KLHL15: variants seen among roughly 807,000 people sequenced by gnomAD.
KLHL15 encodes the protein kelch-like protein 15.
A neutral mutation model predicts 29.3 loss-of-function variants in KLHL15; 1 was observed. The observed-to-expected ratio is 0.03, with a 90% CI of 0.01 to 0.16. KLHL15 has a LOEUF of 0.16. KLHL15 is among the 10% of genes least tolerant of loss of function. KLHL15 has a pLI of 1.00. For missense variants in KLHL15, 215 were observed against 478.5 expected (o/e 0.45, Z 5.14); for synonymous variants, 212 against 184.5 (o/e 1.15, Z -1.21).
chrX:24,012,416 C>G (rs1161079677), intron 2 of KLHL15, among the ~76,000 whole-genome samples: 1 of 111,474 alleles, frequency 9.0e-6, no homozygotes, highest in Non-Finnish European at 1.9e-5. Context: ...GCTCCTGATT[C>G]TCTTCCTAGT....
intron 2 of KLHL15, among the ~76,000 whole-genome samples, chrX:24,007,268 G>A (rs1390139245): frequency 9.2e-6 from 1 of 108,476 alleles, no homozygotes; most frequent in African/African-American, 3.4e-5. Context: ...CGAAGTGGGT[G>A]GATCACCTGA....
At chrX:24,021,674 G>C (rs187040691) in intron 2 of KLHL15, among the ~76,000 whole-genome samples, 76 of 111,544 alleles carry the variant, frequency 6.8e-4, no homozygotes, top group African/African-American at 2.4e-3. Context: ...TTAAAGATGA[G>C]AACATCAAAG....
intron 2 of KLHL15, among the ~76,000 whole-genome samples, chrX:24,018,526 G>A (rs57815594): frequency 0.032 from 3,438 of 109,085 alleles, 132 homozygotes; most frequent in African/African-American, 0.11. Context: ...AACGTGTCTT[G>A]TTTCATAAAC....
chrX:24,002,653 G>A (rs1294781730), intron 3 of KLHL15, among the ~76,000 whole-genome samples: 2 of 107,225 alleles, frequency 1.9e-5, no homozygotes, highest in Non-Finnish European at 3.9e-5. Context: ...GGGGGAACAG[G>A]TTCTCACTTT....
At chrX:23,990,264 G>T (rs1227768250) in intron 3 of KLHL15, among the ~76,000 whole-genome samples, 1 of 111,966 alleles carries the variant, frequency 8.9e-6, no homozygotes, top group Non-Finnish European at 1.9e-5. Flanking sequence ...TGGGAAAGTG[G>T]AAACAAATAC....
At chrX:24,025,206 G>C (rs991963452) in intron 1 of KLHL15, 148 bp from the exon 2 acceptor site, 45 of 288,181 alleles carry the variant, frequency 1.6e-4, no homozygotes, top group South Asian at 2.3e-4. Flanking sequence ...CTGGGGCCGC[G>C]GGCGGGGAAA....
intron 3 of KLHL15, among the ~76,000 whole-genome samples, chrX:23,991,240 C>T (rs1929077023): frequency 9.3e-6 from 1 of 108,085 alleles, no homozygotes; most frequent in Admixed American, 1.0e-4. Flanking sequence ...GTAACTCCAG[C>T]TACTCAAGAG....
At chrX:24,000,479 T>A (rs191914385) in intron 3 of KLHL15, among the ~76,000 whole-genome samples, 1 of 107,032 alleles carries the variant, frequency 9.3e-6, no homozygotes, top group East Asian at 2.9e-4. Context: ...AATAAATAAA[T>A]AAATAATAAA....
chrX:23,988,662 G>T lies in KLHL15; in HGVS notation c.1074C>A (p.Ser358=). Residue 358 remains serine, a synonymous_variant, in exon 4 of 4, where the codon TCC becomes TCA. Transcript: ENST00000328046. The part of the protein sequence containing the change: ...KVFRYDPRQN[S]WLQMADMSVP... Reference sequence around the variant, plus strand: ...CAGACATATCTGCCATCTGCAGCCAGGAGTTCTGTCTCGGGTCATACCTGA... The same window carrying T: ...CAGACATATCTGCCATCTGCAGCCATGAGTTCTGTCTCGGGTCATACCTGA... The T allele has an allele frequency of 4.1e-6, 5 of 1,211,687 alleles. No individual in the cohort carries two copies. In the African/African-American group the frequency reaches 5.2e-5, roughly 13 times the overall value.
intron 1 of KLHL15, among the ~76,000 whole-genome samples, chrX:24,025,300 G>A (rs1353108722): frequency 9.2e-6 from 1 of 108,751 alleles, no homozygotes; most frequent in Non-Finnish European, 1.9e-5. Flanking sequence ...GCCCCGAAGC[G>A]CGCCGAGCCT....
At chrX:24,021,707 C>T (rs1450710223) in intron 2 of KLHL15, among the ~76,000 whole-genome samples, 2 of 111,333 alleles carry the variant, frequency 1.8e-5, no homozygotes, top group Admixed American at 9.6e-5. Flanking sequence ...AAGTAACTTG[C>T]CCAAGGCTAT....
At chrX:24,020,493 T>C (rs180865299) in intron 2 of KLHL15, among the ~76,000 whole-genome samples, 1 of 111,941 alleles carries the variant, frequency 8.9e-6, no homozygotes, top group African/African-American at 3.2e-5. Context: ...ACTAAGCTAT[T>C]AGGAGGGCCC....
At position 23,986,931 on chromosome X, in the gene KLHL15, C is replaced by T. The variant is rs1294277122; in HGVS notation, c.*990G>A. 1 of 111,996 alleles carries T rather than the reference C, an allele frequency of 8.9e-6. No individual in the cohort carries two copies. Among genetic ancestry groups the T allele is most frequent in the Non-Finnish European group, 1.9e-5 (1 of 53,209 alleles). 9.2% of individuals were successfully genotyped at this position (111,996 alleles called of 1,213,427 possible). On this transcript the variant is annotated 3_prime_UTR_variant, in exon 4 of 4. Transcript: ENST00000328046. ...GTGCTTGCATGCTGCAGGGCCAGAACTTGTCATATACCACTCCGATTCTCA... is the reference window on the plus strand; with the variant it reads ...GTGCTTGCATGCTGCAGGGCCAGAATTTGTCATATACCACTCCGATTCTCA...
chrX:24,002,612 T>G (rs1434266549), intron 3 of KLHL15, among the ~76,000 whole-genome samples: 2 of 109,439 alleles, frequency 1.8e-5, no homozygotes, highest in Non-Finnish European at 3.8e-5. Context: ...TGTTTTTTTT[T>G]TTTTTTTGGA....
At chrX:24,025,915 C>T (rs866996041) in intron 1 of KLHL15, among the ~76,000 whole-genome samples, 1 of 111,006 alleles carries the variant, frequency 9.0e-6, no homozygotes, top group African/African-American at 3.3e-5. Context: ...CGTCCCCTTG[C>T]AGCGGTCTCT....
At chrX:23,998,915 T>G (rs181020015) in intron 3 of KLHL15, among the ~76,000 whole-genome samples, 3 of 110,232 alleles carry the variant, frequency 2.7e-5, no homozygotes, top group East Asian at 5.7e-4. Flanking sequence ...TGTATTTATT[T>G]ATTGATTGAG....
At chrX:24,025,311 C>T (rs1303272889) in intron 1 of KLHL15, among the ~76,000 whole-genome samples, 5 of 101,344 alleles carry the variant, frequency 4.9e-5, no homozygotes, top group Non-Finnish European at 1.0e-4. Context: ...CGCCGAGCCT[C>T]GGGATCACCC....
chrX:24,003,647 ATGTGTGTGTG>A lies in KLHL15; in HGVS notation c.705+2332_705+2341del, dbSNP rs10693389. 4.8e-4 allele frequency among the ~76,000 whole-genome samples: 46 copies of A among 96,477 alleles called. No individual in the cohort carries two copies. The East Asian group carries it at 6.7e-3, about 14-fold the overall frequency. The allele number at this position is 96,477 out of a possible 115,157, so 83.8% of individuals were successfully genotyped here. ...TTAGTACATGACCTAGCATAAATAT[ATGTGTGTGTG>A]TGTGTGTGTGTGTGTGTGTGTGCTC... On this transcript the variant is annotated intron_variant, in intron 3 of 3. Transcript: ENST00000328046.
chrX:23,984,611 A>G lies in KLHL15; in HGVS notation c.*3310T>C, dbSNP rs1232293661. ...TCTGAGAGATAGCTTATAAACTGAAATAACAATTTATATTATAAACTGAAA... is the reference window on the plus strand; with the variant it reads ...TCTGAGAGATAGCTTATAAACTGAAGTAACAATTTATATTATAAACTGAAA... On this transcript the variant is annotated 3_prime_UTR_variant, in exon 4 of 4. Coordinates refer to ENST00000328046, the MANE Select transcript of KLHL15 (RefSeq NM_030624.3). 2 of 112,622 alleles carry G rather than the reference A, an allele frequency of 1.8e-5. No homozygotes were observed. Among genetic ancestry groups the G allele is most frequent in the Non-Finnish European group, 3.8e-5 (2 of 53,288 alleles). 9.3% of individuals were successfully genotyped at this position (112,622 alleles called of 1,213,427 possible).
Sources: gnomAD v4.1 joint callset for allele counts (sites outside exome capture counted in the v4.1 genomes callset) on GRCh38, gnomAD v4.1.1 for gene constraint, MANE v1.5 for transcripts, NCBI Gene and HGNC (gene_info 2026-07-23, HGNC 2026-07-21) for gene names.